Variants in AFF3 observed in about 807,000 individuals in gnomAD.
The protein encoded by AFF3 is ALF transcription elongation factor 3, also known as AF4/FMR2 family member 3.
In AFF3, 32 loss-of-function variants were observed where a neutral mutation model predicts 129.7. The observed-to-expected ratio is 0.25, with a 90% CI of 0.19 to 0.33. AFF3 has a LOEUF of 0.33. Among genes scored for constraint, AFF3 ranks in the 10% least tolerant of loss-of-function variants. The pLI is 1.00. For missense variants in AFF3, 1,373 were observed against 1,592.0 expected (o/e 0.86, Z 2.34); for synonymous variants, 644 against 635.4 (o/e 1.01, Z -0.20).
intron 7 of AFF3, among the ~76,000 whole-genome samples, chr2:99,968,964 G>C (rs1475878797): frequency 6.6e-6 from 1 of 152,212 alleles, no homozygotes; most frequent in Non-Finnish European, 1.5e-5. Context: ...AGTGAGATGA[G>C]ATGAAAAAGC....
intron 12 of AFF3, among the ~76,000 whole-genome samples, chr2:99,656,133 G>A (rs1185684730): frequency 2.6e-5 from 4 of 152,194 alleles, no homozygotes; most frequent in Non-Finnish European, 5.9e-5. Context: ...GAGACTCTGA[G>A]TAGCTAGCTG....
At chr2:99,730,744 A>G (rs928612936) in intron 10 of AFF3, among the ~76,000 whole-genome samples, 2 of 151,406 alleles carry the variant, frequency 1.3e-5, no homozygotes, top group African/African-American at 4.9e-5. Context: ...CCAACTCCTG[A>G]CCTTGTGATC....
At chr2:100,035,561 A>T (rs1308120920) in intron 4 of AFF3, among the ~76,000 whole-genome samples, 1 of 152,226 alleles carries the variant, frequency 6.6e-6, no homozygotes, top group Non-Finnish European at 1.5e-5. Flanking sequence ...AGTATGGTGT[A>T]GCAGAAAGAG....
chr2:99,654,287 G>T (rs569734594), intron 12 of AFF3, among the ~76,000 whole-genome samples: 3 of 152,198 alleles, frequency 2.0e-5, no homozygotes, highest in Non-Finnish European at 2.9e-5. Context: ...GAAAGAAGAG[G>T]AGTATATGTC....
intron 4 of AFF3, among the ~76,000 whole-genome samples, chr2:100,011,318 T>C (rs1037206434): frequency 1.3e-5 from 2 of 152,108 alleles, no homozygotes; most frequent in African/African-American, 4.8e-5. Flanking sequence ...ACTCTCCCCT[T>C]TTCCCATACA....
intron 8 of AFF3, among the ~76,000 whole-genome samples, chr2:99,764,548 A>G (rs868229441): frequency 3.3e-5 from 5 of 152,204 alleles, no homozygotes; most frequent in Admixed American, 1.3e-4. Flanking sequence ...TAAAAATGAA[A>G]CATTAAAAAA....
At chr2:99,664,516 C>T (rs561239394) in intron 12 of AFF3, among the ~76,000 whole-genome samples, 71 of 152,298 alleles carry the variant, frequency 4.7e-4, no homozygotes, top group African/African-American at 1.5e-3. Context: ...CCATGGAGAT[C>T]GGATAAATGC....
At chr2:100,036,154 A>C (rs962206896) in intron 4 of AFF3, among the ~76,000 whole-genome samples, 12 of 150,692 alleles carry the variant, frequency 8.0e-5, no homozygotes, top group Admixed American at 4.0e-4. Context: ...AAAAAAAAAA[A>C]AAAAAACAAC....
At chr2:99,889,898 G>C (rs1000616065) in intron 7 of AFF3, among the ~76,000 whole-genome samples, 8 of 152,130 alleles carry the variant, frequency 5.3e-5, no homozygotes, top group Non-Finnish European at 1.0e-4. Flanking sequence ...GACCTCAGGT[G>C]ATCCACCTGC....
intron 9 of AFF3, among the ~76,000 whole-genome samples, chr2:99,748,286 C>T (rs528746110): frequency 5.6e-4 from 86 of 152,316 alleles, no homozygotes; most frequent in African/African-American, 2.0e-3. Context: ...TCTGTCTCAC[C>T]AGCCTTCTCT....
intron 16 of AFF3, among the ~76,000 whole-genome samples, chr2:99,586,733 T>A (rs1678158281): frequency 6.6e-6 from 1 of 152,220 alleles, no homozygotes; most frequent in African/African-American, 2.4e-5. Context: ...ACAATTTTAG[T>A]CTATATCCAA....
intron 4 of AFF3, among the ~76,000 whole-genome samples, chr2:100,037,430 A>G (rs1457153385): frequency 1.5e-5 from 2 of 130,734 alleles, no homozygotes; most frequent in Non-Finnish European, 3.1e-5. Context: ...ATATATAAAT[A>G]TATATTTATA....
intron 11 of AFF3, among the ~76,000 whole-genome samples, chr2:99,717,082 A>C (rs1040513115): frequency 6.6e-6 from 1 of 152,194 alleles, no homozygotes; most frequent in Admixed American, 6.5e-5. Flanking sequence ...GTTTGTTGCT[A>C]TTTGATTAGA....
In AFF3 at chr2:99,547,110, T is replaced by A. The variant is rs184594357; in HGVS notation, c.*4364A>T. 6.1e-4 allele frequency: 133 copies of A among 219,508 alleles called. No homozygotes were observed. The highest frequency in any genetic ancestry group is 2.8e-3 in the African/African-American group (124 of 44,712). 13.6% of individuals were successfully genotyped at this position (219,508 alleles called of 1,614,324 possible). ...CTGTGGGAGCTACATTTAAGCCATT[T>A]ATGAAACAAAAAGATTGCTTTTCGA... is the stretch of plus-strand genomic sequence containing the variant. On this transcript the variant is annotated 3_prime_UTR_variant, in exon 25 of 25. Coordinates refer to ENST00000672756, the MANE Select transcript of AFF3 (RefSeq NM_001386135.1).
intron 8 of AFF3, among the ~76,000 whole-genome samples, chr2:99,810,079 A>G (rs1686670367): frequency 6.6e-6 from 1 of 152,196 alleles, no homozygotes; most frequent in South Asian, 2.1e-4. Flanking sequence ...AATCAACATC[A>G]TGCACTCAGG....
intron 11 of AFF3, among the ~76,000 whole-genome samples, chr2:99,692,704 C>G (rs1402899551): frequency 6.6e-6 from 1 of 152,092 alleles, no homozygotes; most frequent in Non-Finnish European, 1.5e-5. Context: ...TTCTCTGAAC[C>G]CTATGGAGGA....
intron 11 of AFF3, among the ~76,000 whole-genome samples, chr2:99,722,176 G>A (rs1678949224): frequency 1.3e-5 from 2 of 151,940 alleles, no homozygotes; most frequent in Non-Finnish European, 2.9e-5. Flanking sequence ...TACATCCTTG[G>A]ACATATTATA....
In AFF3 at chr2:99,752,167, T is replaced by C. The variant is rs546820359; in HGVS notation, c.1002+54A>G. On this transcript the variant is annotated intron_variant, in intron 9 of 24. Coordinates refer to ENST00000672756, the MANE Select transcript of AFF3 (RefSeq NM_001386135.1). ...ATCACGGGTAAAGCCCACTGCCCAC[T>C]AGAAATGCCTGCATGAGTGAAACAT... The C allele has an allele frequency of 1.6e-4, 245 of 1,487,786 alleles. 5 individuals carry two copies. In the South Asian group the frequency reaches 2.7e-3, roughly 16 times the overall value. The allele number at this position is 1,487,786 out of a possible 1,614,324, so 92.2% of individuals were successfully genotyped here. A position where few individuals can be genotyped will look rare whatever the true frequency, so the allele number is the denominator to read the frequency against.
intron 11 of AFF3, among the ~76,000 whole-genome samples, chr2:99,714,681 T>C (rs1273820033): frequency 6.6e-6 from 1 of 152,226 alleles, no homozygotes; most frequent in Non-Finnish European, 1.5e-5. Context: ...CAAATCGACC[T>C]TGATCTCTCA....
Sources: gnomAD v4.1 joint callset for allele counts (sites outside exome capture counted in the v4.1 genomes callset) on GRCh38, gnomAD v4.1.1 for gene constraint, MANE v1.5 for transcripts, NCBI Gene and HGNC (gene_info 2026-07-23, HGNC 2026-07-21) for gene names.